CYP4F2: variants seen among roughly 807,000 people sequenced by gnomAD.
CYP4F2 encodes cytochrome P450 family 4 subfamily F member 2.
CYP4F2 carries 58 observed loss-of-function variants against 58.9 expected under a neutral mutation model. The observed-to-expected ratio is 0.98, with a 90% CI of 0.80 to 1.23. CYP4F2 has a LOEUF of 1.23. Ranked by LOEUF, CYP4F2 falls within the 50% of genes most tolerant of loss-of-function variation. The pLI, the probability that CYP4F2 is intolerant of heterozygous loss-of-function variation, is 0.00. For synonymous variants in CYP4F2, 287 were observed against 261.1 expected, an observed-to-expected ratio of 1.10 and a Z score of -0.95; for missense variants, 616 against 685.6, an observed-to-expected ratio of 0.90 and a Z score of 1.13.
chr19:15,884,710 G>A (rs985355974), intron 9 of CYP4F2, among the ~76,000 whole-genome samples: 1 of 152,074 alleles, frequency 6.6e-6, no homozygotes, highest in South Asian at 2.1e-4. Flanking sequence ...TGCTGTGCTG[G>A]GCAAAGGTGT....
Position 15,892,454 on chromosome 19 carries a change from G to A in CYP4F2, c.398-18C>T. Reference sequence around the variant, plus strand: ...CCCATCCCCTAGCAGGGCAGCCAAGGGCCATGGGCAAGGACCTCTCCCTCC... The same window carrying A: ...CCCATCCCCTAGCAGGGCAGCCAAGAGCCATGGGCAAGGACCTCTCCCTCC... On this transcript the variant is annotated intron_variant, in intron 4 of 12. Coordinates refer to ENST00000221700, the MANE Select transcript of CYP4F2 (RefSeq NM_001082.5). 6.2e-7 allele frequency: 1 copy of A among 1,614,118 alleles called. No individual in the cohort carries two copies. Among genetic ancestry groups the A allele is most frequent in the Non-Finnish European group, 8.5e-7 (1 of 1,180,000 alleles).
Position 15,879,416 on chromosome 19 carries a change from AG to A in CYP4F2, c.1326del (p.Arg444AlafsTer35). The A allele has an allele frequency of 1.2e-6, 2 of 1,614,114 alleles. No homozygotes were observed. Among genetic ancestry groups the A allele is most frequent in the South Asian group, 2.2e-5 (2 of 91,076 alleles). ...AVWPDPEVYD[P>X]FRFDPENIKE... is the part of the protein sequence containing the mutation. ...TTGATGTTCTCTGGGTCAAAGCGAA[AG>A]GGGTCGTAGACCTGGAGGTGAGACC... On this transcript the variant is annotated frameshift_variant, in exon 12 of 13. Coordinates refer to ENST00000221700, the MANE Select transcript of CYP4F2 (RefSeq NM_001082.5). LOFTEE classifies it high-confidence loss of function.
intron 7 of CYP4F2, among the ~76,000 whole-genome samples, chr19:15,887,910 A>G (rs1488133683): frequency 6.6e-6 from 1 of 152,096 alleles, no homozygotes; most frequent in Non-Finnish European, 1.5e-5. Context: ...ACACAAATAC[A>G]CATAAACCTA....
chr19:15,889,569 T>C lies in CYP4F2; in HGVS notation c.772A>G (p.Arg258Gly). ...AAGTCGTGCACCAGGCGGCAGGCCC[T>C]GCGGAAACGCTGCCCATCAGGGGTG... is the stretch of plus-strand genomic sequence containing the variant. ...YLTPDGQRFR[R>G]ACRLVHDFTD... is the part of the protein sequence containing the mutation. Residue 258 changes from arginine to glycine, a missense_variant, in exon 7 of 13, where the codon AGG (arginine) becomes GGG (glycine). By Grantham distance (125) the Arg-to-Gly change is moderately radical. Transcript: ENST00000221700. 1.2e-6 allele frequency: 2 copies of C among 1,614,204 alleles called. No individual in the cohort carries two copies. Among genetic ancestry groups the C allele is most frequent in the South Asian group, 2.2e-5 (2 of 91,088 alleles).
chr19:15,884,898 G>C, intron 9 of CYP4F2, among the ~76,000 whole-genome samples: 1 of 152,030 alleles, frequency 6.6e-6, no homozygotes, highest in East Asian at 1.9e-4. Flanking sequence ...ACCCAGATGT[G>C]ACCTGTCCCT....
chr19:15,890,757 T>C (rs1384411474), intron 5 of CYP4F2, among the ~76,000 whole-genome samples: 1 of 152,226 alleles, frequency 6.6e-6, no homozygotes, highest in Non-Finnish European at 1.5e-5. Flanking sequence ...TTTGGAGCCA[T>C]ATAATTCACA....
chr19:15,894,411 G>A (rs1306179269), intron 3 of CYP4F2, among the ~76,000 whole-genome samples: 1 of 152,126 alleles, frequency 6.6e-6, no homozygotes, highest in Non-Finnish European at 1.5e-5. Context: ...GGGAAAGGTG[G>A]CCTTTCCCAT....
intron 12 of CYP4F2, 60 bp downstream of exon 12, chr19:15,879,286 T>C: frequency 6.3e-7 from 1 of 1,580,184 alleles, no homozygotes; most frequent in Non-Finnish European, 8.7e-7. Flanking sequence ...TTCCCCACTG[T>C]CATGCCCAGA....
chr19:15,895,522 A>G lies in CYP4F2; in HGVS notation c.327T>C (p.Ser109=). 6.5e-7 allele frequency: 1 copy of G among 1,532,362 alleles called. No individual in the cohort carries two copies. The highest frequency in any genetic ancestry group is 8.7e-7 in the Non-Finnish European group (1 of 1,149,738). The allele number at this position is 1,532,362 out of a possible 1,614,324, so 94.9% of individuals were successfully genotyped here. A position where few individuals can be genotyped will look rare whatever the true frequency, so the allele number is the denominator to read the frequency against. Residue 109 remains serine (S), a synonymous_variant, in exon 3 of 13, where the codon TCT becomes TCC. Coordinates refer to ENST00000221700, the MANE Select transcript of CYP4F2 (RefSeq NM_001082.5). ...AGATGGTACCTGAGGCGTTGATGACAGACCGGATGATGTCGGGGTGGCACA... is the reference window on the plus strand; with the variant it reads ...AGATGGTACCTGAGGCGTTGATGACGGACCGGATGATGTCGGGGTGGCACA... ...LSLCHPDIIR[S]VINASAAIAP...
At chr19:15,892,669 G>C (rs2089424070) in intron 3 of CYP4F2, 87 bp from the exon 4 acceptor site, 5 of 1,553,666 alleles carry the variant, frequency 3.2e-6, no homozygotes, top group Non-Finnish European at 4.4e-6. Flanking sequence ...CAAGAGGTTT[G>C]CACTTCTCCC....
At position 15,878,708 on chromosome 19, in the gene CYP4F2, T is replaced by A. The variant is rs201489301; in HGVS notation, c.*63A>T. The A allele has an allele frequency of 1.7e-4, 273 of 1,597,452 alleles. No individual in the cohort carries two copies. Among genetic ancestry groups the A allele is most frequent in the Non-Finnish European group, 2.3e-4 (266 of 1,170,720 alleles). On this transcript the variant is annotated 3_prime_UTR_variant, in exon 13 of 13. Coordinates refer to ENST00000221700, the MANE Select transcript of CYP4F2 (RefSeq NM_001082.5). ...GTGGAACAGGGTCTTAGGGTAATTC[T>A]AGGCTTCACTTTTGATGAATCAGGG... is the stretch of plus-strand genomic sequence containing the variant.
chr19:15,881,197 T>C (rs1568469826), intron 9 of CYP4F2, among the ~76,000 whole-genome samples: 1 of 152,216 alleles, frequency 6.6e-6, no homozygotes, highest in Non-Finnish European at 1.5e-5. Context: ...GTACAGACAC[T>C]GTGGAAGGCA....
intron 2 of CYP4F2, 87 bp downstream of exon 2, chr19:15,897,321 CAGCCCA>C: frequency 3.5e-6 from 4 of 1,151,732 alleles, no homozygotes; most frequent in African/African-American, 1.6e-5. Flanking sequence ...CCCCAGATCC[CAGCCCA>C]CCCCTTCACC....
intron 7 of CYP4F2, among the ~76,000 whole-genome samples, chr19:15,887,599 T>TAGACACAGACAC (rs2089388146): frequency 6.7e-6 from 1 of 150,338 alleles, no homozygotes; most frequent in East Asian, 2.0e-4. Flanking sequence ...GACACAGATA[T>TAGACACAGACAC]AGACACAGAC....
intron 7 of CYP4F2, 142 bp from the exon 8 acceptor site, chr19:15,886,450 A>C: frequency 1.8e-6 from 2 of 1,085,226 alleles, no homozygotes; most frequent in Non-Finnish European, 2.7e-6. Context: ...GCACTCCTAG[A>C]CCCCTCTTGG....
chr19:15,879,487 G>A, intron 11 of CYP4F2, 59 bp from the exon 12 acceptor site: 2 of 1,610,460 alleles, frequency 1.2e-6, no homozygotes, highest in African/African-American at 1.3e-5. Context: ...CAGCCTTGGA[G>A]AGACAGACAG....
In CYP4F2 at chr19:15,890,245, C is replaced by T. The variant is rs529217399; in HGVS notation, c.647+67G>A. The stretch of plus-strand genomic sequence containing the variant: ...GGTTTGTCTGGTTTCCCTGCTTAGT[C>T]CTCCCTCTCCCACCTACCCACTTTG... On this transcript the variant is annotated intron_variant, in intron 6 of 12. Coordinates refer to ENST00000221700, the MANE Select transcript of CYP4F2 (RefSeq NM_001082.5). The T allele has an allele frequency of 2.0e-5, 32 of 1,611,394 alleles. No individual in the cohort carries two copies. The African/African-American group carries it at 4.0e-4, about 20-fold the overall frequency.
chr19:15,879,761 CA>C lies in CYP4F2; in HGVS notation c.1249+2del. ...AGACTCCTCCCCGTGAGGCTGTGAGCACCTTTGGGGATGACCCGGCCGTCTG... is the reference window on the plus strand; with the variant it reads ...AGACTCCTCCCCGTGAGGCTGTGAGCCCTTTGGGGATGACCCGGCCGTCTG... On this transcript the variant is annotated splice_donor_variant, in intron 10 of 12. Coordinates refer to ENST00000221700, the MANE Select transcript of CYP4F2 (RefSeq NM_001082.5). LOFTEE classifies it high-confidence loss of function. 1 of 1,613,992 alleles carries C rather than the reference CA, an allele frequency of 6.2e-7. No individual in the cohort carries two copies. Among genetic ancestry groups the C allele is most frequent in the Non-Finnish European group, 8.5e-7 (1 of 1,179,930 alleles).
Position 15,878,088 on chromosome 19 carries a change from C to A in CYP4F2, c.*683G>T, listed in dbSNP as rs1392805210. 1 of 151,978 alleles carries A rather than the reference C, an allele frequency of 6.6e-6. No homozygotes were observed. The highest frequency in any genetic ancestry group is 1.5e-5 in the Non-Finnish European group (1 of 68,016). 9.4% of individuals were successfully genotyped at this position (151,978 alleles called of 1,614,324 possible). A position where few individuals can be genotyped will look rare whatever the true frequency, so the allele number is the denominator to read the frequency against. ...CACAGCATATTATTATATGAACAAC[C>A]TGGACAGAAAAAAAATGTATGTGAG... On this transcript the variant is annotated 3_prime_UTR_variant, in exon 13 of 13. Transcript: ENST00000221700.
Sources: gnomAD v4.1 joint callset for allele counts (sites outside exome capture counted in the v4.1 genomes callset) on GRCh38, gnomAD v4.1.1 for gene constraint, MANE v1.5 for transcripts, NCBI Gene and HGNC (gene_info 2026-07-23, HGNC 2026-07-21) for gene names.